The following TLL2 variants were observed in gnomAD, a reference collection of about 807,000 sequenced individuals.
TLL2 encodes the protein tolloid-like protein 2.
Under a neutral mutation model 123.0 loss-of-function variants are expected in TLL2, and 106 were observed. The ratio of observed to expected loss-of-function variants is 0.86; its 90% CI spans 0.74 to 1.01. The LOEUF (loss-of-function observed/expected upper bound fraction) is 1.01, where lower values mean the gene tolerates loss of function less well. Among genes scored for constraint, TLL2 ranks in the 50% least tolerant of loss-of-function variants. TLL2 has a pLI of 0.00. For synonymous variants in TLL2, 494 were observed against 516.8 expected (o/e 0.96, Z 0.60); for missense variants, 1,332 against 1,336.7 (o/e 1.00, Z 0.06).
At chr10:96,374,242 T>G in intron 18 of TLL2, 1 of 212,984 alleles carries the variant, frequency 4.7e-6, no homozygotes, top group South Asian at 8.6e-5. Flanking sequence ...CTGTTTTAAA[T>G]GCTTTACAAG....
rs553466508 is a variant in TLL2, at chr10:96,429,733, A to G, written c.521-985T>C. Among the ~76,000 whole-genome samples, 36 of 152,254 alleles carry G rather than the reference A, an allele frequency of 2.4e-4. No homozygotes were observed. The South Asian group carries it at 4.6e-3, about 19-fold the overall frequency. The stretch of plus-strand genomic sequence containing the variant: ...CTTTAAAATTTCTATTTGCATGTAC[A>G]TCTGTGTACTTTTGCACGGGGTTTC... On this transcript the variant is annotated intron_variant, in intron 4 of 20. Transcript: ENST00000357947.
intron 2 of TLL2, among the ~76,000 whole-genome samples, chr10:96,450,114 G>C (rs977035553): frequency 6.8e-6 from 1 of 147,912 alleles, no homozygotes; most frequent in Non-Finnish European, 1.5e-5. Flanking sequence ...ATACAGAACG[G>C]ATGGATGAAG....
intron 2 of TLL2, among the ~76,000 whole-genome samples, chr10:96,448,773 G>T (rs963198748): frequency 6.6e-5 from 10 of 152,056 alleles, no homozygotes; most frequent in Non-Finnish European, 1.3e-4. Context: ...GCTTGGCCGG[G>T]GGGAGGTGGG....
Position 96,384,599 on chromosome 10 carries a change from G to T in TLL2, c.2182C>A (p.His728Asn). 1 of 1,593,392 alleles carries T rather than the reference G, an allele frequency of 6.3e-7. No individual in the cohort carries two copies. The highest frequency in any genetic ancestry group is 8.6e-7 in the Non-Finnish European group (1 of 1,166,238). The change falls in exon 16 of 21, where the codon CAC (histidine) becomes AAC (asparagine). Residue 728 changes from histidine to asparagine, a missense_variant. Coordinates refer to ENST00000357947, the MANE Select transcript of TLL2 (RefSeq NM_012465.4). ...TGAACCCGCATACCTGAGAAGAAGT[G>T]GGCCCTGAAGCCGCGCTTGGAGACG... ...NTVSKRGFRA[H>N]FFSDKDECAK...
intron 2 of TLL2, among the ~76,000 whole-genome samples, chr10:96,451,486 A>C (rs1364987661): frequency 1.3e-5 from 2 of 152,200 alleles, no homozygotes; most frequent in Non-Finnish European, 2.9e-5. Flanking sequence ...CCATCTGAAC[A>C]ACAGTGACTA....
At position 96,425,145 on chromosome 10, in the gene TLL2, A is replaced by G. The variant is rs189165152; in HGVS notation, c.639-2418T>C. On this transcript the variant is annotated intron_variant, in intron 5 of 20. Coordinates refer to ENST00000357947, the MANE Select transcript of TLL2 (RefSeq NM_012465.4). Reference sequence around the variant, plus strand: ...ATATTCATTTTGGACCCTTTTTTGTATATATCTATTTTTCCCTTAAGTTCC... The same window carrying G: ...ATATTCATTTTGGACCCTTTTTTGTGTATATCTATTTTTCCCTTAAGTTCC... Among the ~76,000 whole-genome samples, 4 of 151,628 alleles carry G rather than the reference A, an allele frequency of 2.6e-5. No individual in the cohort carries two copies. In the East Asian group the frequency reaches 7.7e-4, roughly 29 times the overall value.
chr10:96,379,006 C>T lies in TLL2; in HGVS notation c.2281G>A (p.Gly761Ser), dbSNP rs764937967. 92 of 1,614,092 alleles carry T rather than the reference C, an allele frequency of 5.7e-5. No homozygotes were observed. The highest frequency in any genetic ancestry group is 1.6e-4 in the Middle Eastern group (1 of 6,084). The change falls in exon 17 of 21, where the codon GGC becomes AGC. Residue 761 changes from glycine to serine, a missense_variant. By Grantham distance (56) the Gly-to-Ser change is moderately conservative. Transcript: ENST00000357947. ...TGCCCATTCTCGTGGAGCCAGTAGC[C>T]GTTTCTGCACCTGCACAGGTAGCTC... ...FGSYLCRCRN[G>S]YWLHENGHDC...
chr10:96,472,456 G>A (rs747923130), intron 2 of TLL2, among the ~76,000 whole-genome samples: 1 of 152,146 alleles, frequency 6.6e-6, no homozygotes, highest in Non-Finnish European at 1.5e-5. Context: ...CCATCTATAA[G>A]CTCTCTCAAG....
At chr10:96,499,616 G>A (rs1255527581) in intron 1 of TLL2, among the ~76,000 whole-genome samples, 1 of 152,160 alleles carries the variant, frequency 6.6e-6, no homozygotes, top group Non-Finnish European at 1.5e-5. Flanking sequence ...GAAAGTCAAT[G>A]ATATGGTGCA....
intron 1 of TLL2, among the ~76,000 whole-genome samples, chr10:96,486,298 T>G (rs1847356079): frequency 6.6e-6 from 1 of 152,072 alleles, no homozygotes; most frequent in South Asian, 2.1e-4. Flanking sequence ...ACAAGAAAAA[T>G]GTTCATCCTG....
rs967222101 is a variant in TLL2 at position 96,452,596 on chromosome 10, G to A, written c.287-6428C>T. 2.0e-5 allele frequency among the ~76,000 whole-genome samples: 3 copies of A among 152,188 alleles called. No individual in the cohort carries two copies. The East Asian group carries it at 5.8e-4, about 29-fold the overall frequency. The stretch of plus-strand genomic sequence containing the variant: ...CCTCTTTTAAGGAGGAGAAAACTGA[G>A]GCTCATGAATAAGTTGTTCAAGGTC... On this transcript the variant is annotated intron_variant, in intron 2 of 20. Coordinates refer to ENST00000357947, the MANE Select transcript of TLL2 (RefSeq NM_012465.4).
chr10:96,421,320 A>G (rs1348180597), intron 6 of TLL2, among the ~76,000 whole-genome samples: 1 of 152,206 alleles, frequency 6.6e-6, no homozygotes, highest in Non-Finnish European at 1.5e-5. Flanking sequence ...AAGTTTGCAG[A>G]CAGATTAGTT....
chr10:96,412,955 C>A (rs1165590350), intron 8 of TLL2, among the ~76,000 whole-genome samples: 1 of 152,218 alleles, frequency 6.6e-6, no homozygotes, highest in Non-Finnish European at 1.5e-5. Context: ...CCAGAGAAGT[C>A]TGAAGCCTCT....
At chr10:96,494,178 C>G (rs1306970204) in intron 1 of TLL2, among the ~76,000 whole-genome samples, 1 of 152,186 alleles carries the variant, frequency 6.6e-6, no homozygotes, top group Non-Finnish European at 1.5e-5. Context: ...AGTCCTCACA[C>G]CCCTCCGCAC....
At chr10:96,455,829 C>A (rs1427723904) in intron 2 of TLL2, among the ~76,000 whole-genome samples, 1 of 152,232 alleles carries the variant, frequency 6.6e-6, no homozygotes, top group African/African-American at 2.4e-5. Context: ...CTTGGTTTCA[C>A]TTTATGGATT....
In TLL2 at chr10:96,365,266, A is replaced by G. The variant is rs1846013325; in HGVS notation, c.*2822T>C. On this transcript the variant is annotated 3_prime_UTR_variant, in exon 21 of 21. Transcript: ENST00000357947. The stretch of plus-strand genomic sequence containing the variant: ...AAAAAGGAAACTTCACCTTACAGGT[A>G]AATACCTCTAAATATTTACCTTAGA... 1 of 152,266 alleles carries G rather than the reference A, an allele frequency of 6.6e-6. No individual in the cohort carries two copies. Among genetic ancestry groups the G allele is most frequent in the African/African-American group, 2.4e-5 (1 of 41,474 alleles). 9.4% of individuals were successfully genotyped at this position (152,266 alleles called of 1,614,324 possible). A position where few individuals can be genotyped will look rare whatever the true frequency, so the allele number is the denominator to read the frequency against.
intron 4 of TLL2, among the ~76,000 whole-genome samples, chr10:96,430,059 A>C (rs956075011): frequency 6.6e-6 from 1 of 152,188 alleles, no homozygotes; most frequent in African/African-American, 2.4e-5. Flanking sequence ...CAAAACAAAA[A>C]CAAAAATTAC....
chr10:96,459,226 T>C (rs995230546), intron 2 of TLL2, among the ~76,000 whole-genome samples: 11 of 152,118 alleles, frequency 7.2e-5, no homozygotes, highest in African/African-American at 2.4e-4. Context: ...CATGTTTTTG[T>C]AGAAAATGTT....
chr10:96,504,374 C>T (rs1040586695), intron 1 of TLL2, among the ~76,000 whole-genome samples: 6 of 152,106 alleles, frequency 3.9e-5, no homozygotes, highest in African/African-American at 1.4e-4. Context: ...CTTTGGGTGG[C>T]TGAGGTGGGC....
Sources: gnomAD v4.1 joint callset for allele counts (sites outside exome capture counted in the v4.1 genomes callset) on GRCh38, gnomAD v4.1.1 for gene constraint, MANE v1.5 for transcripts, NCBI Gene and HGNC (gene_info 2026-07-23, HGNC 2026-07-21) for gene names.